Variants in ROBO2 observed in about 807,000 individuals in gnomAD.
ROBO2 encodes roundabout guidance receptor 2.
A neutral mutation model predicts 160.8 loss-of-function variants in ROBO2; 53 were observed. That is an observed-to-expected ratio of 0.33 (90% CI 0.26 to 0.41). ROBO2 has a LOEUF of 0.41. ROBO2 is among the 10% of genes least tolerant of loss of function. ROBO2 has a pLI of 1.00. For missense variants in ROBO2, 1,577 were observed against 1,722.4 expected, an observed-to-expected ratio of 0.92 and a Z score of 1.49; for synonymous variants, 664 against 611.7, an observed-to-expected ratio of 1.09 and a Z score of -1.26.
intron 2 of ROBO2, among the ~76,000 whole-genome samples, chr3:76,088,790 C>T (rs578132615): frequency 1.3e-5 from 2 of 151,858 alleles, no homozygotes; most frequent in Non-Finnish European, 2.9e-5. Context: ...ACAATATAAG[C>T]TTCACATGAA....
At chr3:76,270,454 C>T (rs979287448) in intron 2 of ROBO2, among the ~76,000 whole-genome samples, 1 of 151,990 alleles carries the variant, frequency 6.6e-6, no homozygotes, top group Non-Finnish European at 1.5e-5. Context: ...AGATTATGAA[C>T]TCATAATAGA....
At chr3:77,250,702 T>G (rs1322866522) in intron 2 of ROBO2, among the ~76,000 whole-genome samples, 2 of 152,292 alleles carry the variant, frequency 1.3e-5, no homozygotes, top group East Asian at 3.9e-4. Flanking sequence ...AAAGAGGAGA[T>G]GCATCTGGTG....
intron 19 of ROBO2, among the ~76,000 whole-genome samples, chr3:77,598,933 A>C (rs1230585445): frequency 6.6e-6 from 1 of 152,212 alleles, no homozygotes; most frequent in Admixed American, 6.5e-5. Flanking sequence ...TACATGAAAA[A>C]GTGAATGCTT....
At chr3:77,347,686 T>A (rs74520407) in intron 2 of ROBO2, among the ~76,000 whole-genome samples, 5,750 of 152,110 alleles carry the variant, frequency 0.038, 362 homozygotes, top group African/African-American at 0.13. Context: ...TTGATCTAAA[T>A]AGACCCCAAA....
intron 2 of ROBO2, among the ~76,000 whole-genome samples, chr3:76,185,376 CAT>C (rs1259648172): frequency 1.3e-5 from 2 of 151,588 alleles, no homozygotes; most frequent in African/African-American, 4.8e-5. Flanking sequence ...TATATTTTCA[CAT>C]GTTTATTGGC....
chr3:75,948,633 C>T (rs1176038181), intron 2 of ROBO2, among the ~76,000 whole-genome samples: 10 of 152,046 alleles, frequency 6.6e-5, no homozygotes, highest in African/African-American at 4.8e-5. Context: ...ACAGGCACCA[C>T]GCTGCAGGGG....
At chr3:76,632,671 C>T (rs2090097578) in intron 2 of ROBO2, among the ~76,000 whole-genome samples, 1 of 152,170 alleles carries the variant, frequency 6.6e-6, no homozygotes, top group Non-Finnish European at 1.5e-5. Context: ...TTTTAATTTA[C>T]ATAGTATACT....
intron 2 of ROBO2, among the ~76,000 whole-genome samples, chr3:76,371,216 A>G (rs780237365): frequency 3.3e-5 from 5 of 152,132 alleles, no homozygotes; most frequent in Non-Finnish European, 7.4e-5. Context: ...AGTTTGCTTC[A>G]TTAAAATAAA....
chr3:77,224,730 C>T (rs1257359132), intron 2 of ROBO2, among the ~76,000 whole-genome samples: 3 of 151,760 alleles, frequency 2.0e-5, no homozygotes, highest in Admixed American at 2.0e-4. Flanking sequence ...AGGTGTCTTT[C>T]TCCTAAAACA....
At chr3:76,295,903 T>C (rs963860136) in intron 2 of ROBO2, among the ~76,000 whole-genome samples, 1 of 152,160 alleles carries the variant, frequency 6.6e-6, no homozygotes, top group Admixed American at 6.5e-5. Flanking sequence ...TAGGAGAAGC[T>C]AGTATAATAC....
chr3:76,007,067 T>C (rs1220992891), intron 2 of ROBO2, among the ~76,000 whole-genome samples: 1 of 152,164 alleles, frequency 6.6e-6, no homozygotes, highest in Non-Finnish European at 1.5e-5. Flanking sequence ...TTATTCAGCA[T>C]ATTTTTCTAA....
At chr3:77,436,349 T>C (rs62249850) in intron 2 of ROBO2, among the ~76,000 whole-genome samples, 48,626 of 151,294 alleles carry the variant, frequency 0.32, 8,082 homozygotes, top group Middle Eastern at 0.37. Context: ...GTTCTCTTCA[T>C]CACTGTATTA....
intron 2 of ROBO2, among the ~76,000 whole-genome samples, chr3:77,442,078 C>T (rs975271634): frequency 2.0e-5 from 3 of 152,110 alleles, no homozygotes; most frequent in Non-Finnish European, 4.4e-5. Context: ...TTTGGGAGGC[C>T]TAGGCAGGCG....
chr3:76,409,068 T>C (rs2075358828), intron 2 of ROBO2, among the ~76,000 whole-genome samples: 1 of 152,044 alleles, frequency 6.6e-6, no homozygotes, highest in Non-Finnish European at 1.5e-5. Context: ...AAGACTAAGT[T>C]TGACATATGA....
rs79840711 is a variant in ROBO2, at chr3:76,644,668, C to T, written c.110-453346C>T. On this transcript the variant is annotated intron_variant, in intron 2 of 26. Coordinates refer to the ROBO2 transcript ENST00000487694. The stretch of plus-strand genomic sequence containing the variant: ...CCACATAATCCATCTTCACTCCCTC[C>T]CACCCTACAAATGTAATAGATGCTT... 1.5e-3 allele frequency among the ~76,000 whole-genome samples: 228 copies of T among 152,260 alleles called. 2 individuals are homozygous for T. Among genetic ancestry groups the T allele is most frequent in the African/African-American group, 5.1e-3 (213 of 41,538 alleles).
chr3:77,123,157 C>T (rs2074951976), intron 2 of ROBO2, among the ~76,000 whole-genome samples: 1 of 152,096 alleles, frequency 6.6e-6, no homozygotes, highest in South Asian at 2.1e-4. Context: ...TTTTCATAAA[C>T]ATACATGGAC....
At chr3:76,613,914 A>G (rs1009875985) in intron 2 of ROBO2, among the ~76,000 whole-genome samples, 1 of 152,160 alleles carries the variant, frequency 6.6e-6, no homozygotes, top group African/African-American at 2.4e-5. Flanking sequence ...ATAGGATAAT[A>G]TAGGTTTATT....
chr3:77,104,288 G>A (rs780888250), intron 2 of ROBO2, among the ~76,000 whole-genome samples: 3 of 152,038 alleles, frequency 2.0e-5, no homozygotes, highest in Middle Eastern at 3.4e-3. Flanking sequence ...TCCTATTCTG[G>A]ACATTTCATA....
chr3:77,286,593 T>C (rs1050813709), intron 2 of ROBO2, among the ~76,000 whole-genome samples: 2 of 152,132 alleles, frequency 1.3e-5, no homozygotes, highest in Non-Finnish European at 2.9e-5. Flanking sequence ...GCAAATATTA[T>C]AAAATTGCCT....
Sources: gnomAD v4.1 joint callset for allele counts (sites outside exome capture counted in the v4.1 genomes callset) on GRCh38, gnomAD v4.1.1 for gene constraint, MANE v1.5 for transcripts, NCBI Gene and HGNC (gene_info 2026-07-23, HGNC 2026-07-21) for gene names.